The following ZNF503 variants were observed in gnomAD, a reference collection of about 807,000 sequenced individuals.
ZNF503 encodes zinc finger protein 503, also known as NocA-like zinc finger 2.
A neutral mutation model predicts 34.4 loss-of-function variants in ZNF503; 15 were observed. The observed-to-expected ratio is 0.44, with a 90% CI of 0.29 to 0.67. ZNF503 has a LOEUF of 0.67. Ranked by LOEUF, ZNF503 falls within the 30% of genes least tolerant of loss-of-function variation. The pLI, the probability that ZNF503 is intolerant of heterozygous loss-of-function variation, is 0.13. For synonymous variants in ZNF503, 580 were observed against 456.8 expected (o/e 1.27, Z -3.44); for missense variants, 1,007 against 926.8 (o/e 1.09, Z -1.12).
the ZNF503 span, among the ~76,000 whole-genome samples, chr10:75,327,892 C>T: frequency 1.6e-4 from 25 of 152,030 alleles, no homozygotes; most frequent in African/African-American, 6.0e-4. Flanking sequence ...CATTTGTATG[C>T]TGTCTTTTGA....
the ZNF503 span, among the ~76,000 whole-genome samples, chr10:75,347,114 C>T: frequency 5.3e-5 from 8 of 152,158 alleles, no homozygotes; most frequent in African/African-American, 1.9e-4. Context: ...GAGTTATATA[C>T]ACATAAAATA....
the ZNF503 span, among the ~76,000 whole-genome samples, chr10:75,303,157 T>C: frequency 0.02 from 2,976 of 152,254 alleles, 112 homozygotes; most frequent in African/African-American, 0.068. Flanking sequence ...AAATTTCCAA[T>C]AGAAAGAATC....
the ZNF503 span, among the ~76,000 whole-genome samples, chr10:75,385,221 G>C: frequency 6.6e-6 from 1 of 152,178 alleles, no homozygotes; most frequent in Non-Finnish European, 1.5e-5. Context: ...CCAATCAGGA[G>C]ACACACAGGA....
chr10:75,350,116 T>G, the ZNF503 span, among the ~76,000 whole-genome samples: 2 of 152,182 alleles, frequency 1.3e-5, no homozygotes, highest in Non-Finnish European at 2.9e-5. Context: ...GGATTTACAG[T>G]TTCAGGAAGG....
the ZNF503 span, among the ~76,000 whole-genome samples, chr10:75,318,636 T>C: frequency 7.2e-6 from 1 of 139,820 alleles, no homozygotes; most frequent in Non-Finnish European, 1.5e-5. Flanking sequence ...GCCACTGCAC[T>C]CCAGCCTGAG....
chr10:75,353,944 C>T, the ZNF503 span, among the ~76,000 whole-genome samples: 22 of 152,272 alleles, frequency 1.4e-4, 1 homozygote, highest in African/African-American at 1.2e-4. Flanking sequence ...CTTGGGAAAT[C>T]GGCAAGGAGG....
the ZNF503 span, among the ~76,000 whole-genome samples, chr10:75,310,325 A>G: frequency 4.6e-5 from 7 of 152,346 alleles, no homozygotes; most frequent in African/African-American, 1.4e-4. Flanking sequence ...CGTTTGTCTT[A>G]TATATCCCAG....
At chr10:75,333,004 C>T in the ZNF503 span, among the ~76,000 whole-genome samples, 7 of 146,020 alleles carry the variant, frequency 4.8e-5, no homozygotes, top group East Asian at 8.4e-4. Flanking sequence ...ACCTCCCAGA[C>T]GGGGTGGTGG....
In ZNF503 at chr10:75,399,310, C is replaced by T. The variant is rs772159906; in HGVS notation, c.1380G>A (p.Ala460=). Residue 460 remains alanine, a synonymous_variant, in exon 2 of 2, where the codon GCG becomes GCA. Transcript: ENST00000372524. ...SCAHDPAAAA[A]ALKSGYPLVY... ...CCAGCGGGTATCCGGACTTCAGCGC[C>T]GCAGCCGCAGCAGCCGGATCATGTG... 6.9e-6 allele frequency: 11 copies of T among 1,602,128 alleles called. No individual in the cohort carries two copies. The highest frequency in any genetic ancestry group is 1.7e-5 in the Admixed American group (1 of 59,060).
the ZNF503 span, among the ~76,000 whole-genome samples, chr10:75,368,505 G>T: frequency 6.6e-6 from 1 of 152,200 alleles, no homozygotes; most frequent in Non-Finnish European, 1.5e-5. Context: ...TTGGCTCTGG[G>T]CTTCCTGGAG....
downstream of ZNF503, among the ~76,000 whole-genome samples, chr10:75,395,445 C>A (rs981588075): frequency 1.3e-5 from 2 of 152,092 alleles, no homozygotes; most frequent in Non-Finnish European, 2.9e-5. The surrounding 1 kb of genome is among the most constrained non-coding windows in gnomAD (Gnocchi z 4.4). Flanking sequence ...GCGCGCTGGC[C>A]GGGGTTCCAG....
chr10:75,319,219 G>T, the ZNF503 span, among the ~76,000 whole-genome samples: 2 of 152,148 alleles, frequency 1.3e-5, no homozygotes, highest in African/African-American at 4.8e-5. Context: ...CTCCCAAAGT[G>T]CTGGGATTAC....
chr10:75,360,462 C>T, the ZNF503 span, among the ~76,000 whole-genome samples: 1 of 152,074 alleles, frequency 6.6e-6, no homozygotes, highest in African/African-American at 2.4e-5. Context: ...ACTTGTGCGA[C>T]TCTGAGAGTG....
Position 75,399,531 on chromosome 10 carries a change from C to T in ZNF503, c.1159G>A (p.Gly387Ser). The T allele has an allele frequency of 6.3e-7, 1 of 1,588,022 alleles. No individual in the cohort carries two copies. Among genetic ancestry groups the T allele is most frequent in the Non-Finnish European group, 8.5e-7 (1 of 1,174,534 alleles). The part of the protein sequence containing the change: ...HGVALDPTKP[G>S]SLVGAQLAAA... ...GCCAGCTGCGCCCCCACCAGGCTGC[C>T]CGGCTTGGTGGGGTCAAGTGCCACG... Residue 387 changes from glycine to serine, a missense_variant, in exon 2 of 2, where the codon GGC (glycine) becomes AGC (serine). Coordinates refer to ENST00000372524, the MANE Select transcript of ZNF503 (RefSeq NM_032772.6).
the ZNF503 span, among the ~76,000 whole-genome samples, chr10:75,364,547 T>A: frequency 6.6e-6 from 1 of 152,080 alleles, no homozygotes; most frequent in African/African-American, 2.4e-5. Context: ...CTGGCAGCGG[T>A]AGGGCCCCTG....
rs976544550 is a variant in ZNF503 at position 75,401,374 on chromosome 10, T to A, written c.46A>T (p.Ser16Cys). The A allele has an allele frequency of 6.5e-7, 1 of 1,527,914 alleles. No homozygotes were observed. The allele number at this position is 1,527,914 out of a possible 1,614,324, so 94.6% of individuals were successfully genotyped here. Reference protein sequence around the residue: ...SLSALRSSKHSGGGGGGGGGG... With the variant: ...SLSALRSSKHCGGGGGGGGGG... The stretch of plus-strand genomic sequence containing the variant: ...CCGCCTCCGCCGCCGCCGCCGCCGC[T>A]GTGCTTACTGCTTCTTAGGGCAGAA... The change falls in exon 1 of 2, where the codon AGC becomes TGC. Residue 16 changes from serine to cysteine, a missense_variant. Physicochemically the swap from Ser to Cys is moderately radical, Grantham distance 112. Coordinates refer to ENST00000372524, the MANE Select transcript of ZNF503 (RefSeq NM_032772.6).
At chr10:75,371,973 A>G in the ZNF503 span, among the ~76,000 whole-genome samples, 1 of 152,320 alleles carries the variant, frequency 6.6e-6, no homozygotes, top group Admixed American at 6.5e-5. Flanking sequence ...TCTGTTGCCC[A>G]GGCTGGAGTG....
the ZNF503 span, among the ~76,000 whole-genome samples, chr10:75,364,747 A>G: frequency 1.3e-5 from 2 of 152,142 alleles, no homozygotes; most frequent in African/African-American, 2.4e-5. Flanking sequence ...AAACAAGTAA[A>G]CCATCCAAAG....
downstream of ZNF503, among the ~76,000 whole-genome samples, chr10:75,396,811 C>T (rs1430695511): frequency 6.6e-6 from 1 of 152,158 alleles, no homozygotes; most frequent in African/African-American, 2.4e-5. This position sits in a 1 kb window ranked among gnomAD's most constrained non-coding sequence, Gnocchi z 4.4. Context: ...CCTGGAGCGT[C>T]TGGGAGGGGG....
Sources: gnomAD v4.1 joint callset for allele counts (sites outside exome capture counted in the v4.1 genomes callset) on GRCh38, gnomAD v4.1.1 for gene constraint, Gnocchi (gnomAD v3.1) non-coding constraint, MANE v1.5 for transcripts, NCBI Gene and HGNC (gene_info 2026-07-23, HGNC 2026-07-21) for gene names.